Variants in SYNDIG1L observed in about 807,000 individuals in gnomAD.
SYNDIG1L encodes the protein synapse differentiation-inducing gene protein 1-like.
A neutral mutation model predicts 20.1 loss-of-function variants in SYNDIG1L; 13 were observed. The ratio of observed to expected loss-of-function variants is 0.65; its 90% CI spans 0.42 to 1.03. The LOEUF is 1.03. Ranked by LOEUF, SYNDIG1L falls within the 50% of genes least tolerant of loss-of-function variation. SYNDIG1L has a pLI of 0.00. For synonymous variants in SYNDIG1L, 128 were observed against 129.3 expected (o/e 0.99, Z 0.07); for missense variants, 294 against 305.1 (o/e 0.96, Z 0.27).
At chr14:74,462,289 G>C in the SYNDIG1L span, among the ~76,000 whole-genome samples, 1 of 151,476 alleles carries the variant, frequency 6.6e-6, no homozygotes, top group Non-Finnish European at 1.5e-5. Context: ...TTCGAGACCA[G>C]CCTGGCCAAC....
chr14:74,459,034 T>C, the SYNDIG1L span, among the ~76,000 whole-genome samples: 13 of 152,142 alleles, frequency 8.5e-5, no homozygotes, highest in Non-Finnish European at 1.9e-4. Flanking sequence ...GATGAGACGC[T>C]GAGTGGAGAA....
At chr14:74,449,456 A>AAACAC in the SYNDIG1L span, among the ~76,000 whole-genome samples, 1 of 142,522 alleles carries the variant, frequency 7.0e-6, no homozygotes, top group African/African-American at 2.6e-5. Context: ...AAAAAAAAAA[A>AAACAC]AAAAAAAAAG....
the SYNDIG1L span, among the ~76,000 whole-genome samples, chr14:74,471,251 G>C: frequency 1.3e-5 from 2 of 152,146 alleles, no homozygotes; most frequent in Non-Finnish European, 2.9e-5. Context: ...AGACACGGAA[G>C]TAGTTCCAAC....
upstream of SYNDIG1L, among the ~76,000 whole-genome samples, chr14:74,430,337 G>A (rs1001068593): frequency 1.3e-5 from 2 of 152,196 alleles, no homozygotes; most frequent in Non-Finnish European, 2.9e-5. Flanking sequence ...TGTGTGAGAG[G>A]TTGGGGGTGC....
the SYNDIG1L span, among the ~76,000 whole-genome samples, chr14:74,452,852 T>C: frequency 2.0e-5 from 3 of 152,148 alleles, no homozygotes; most frequent in East Asian, 5.8e-4. Context: ...AATTGATAGA[T>C]GGGTGAATAA....
Position 74,407,623 on chromosome 14 carries a change from G to A in SYNDIG1L, c.629C>T (p.Ala210Val). 2 of 1,614,050 alleles carry A rather than the reference G, an allele frequency of 1.2e-6. No individual in the cohort carries two copies. The highest frequency in any genetic ancestry group is 8.5e-7 in the Non-Finnish European group (1 of 1,179,922). Residue 210 changes from alanine (A) to valine (V), a missense_variant, in exon 4 of 4, where the codon GCC (alanine) becomes GTC (valine). By Grantham distance (64) the Ala-to-Val change is moderately conservative. Transcript: ENST00000331628. ...GGCCCCCACGGCGATGGCGAGTGTG[G>A]CTAGGAAGAGGGCCCGGCGGGAGGT... is the stretch of plus-strand genomic sequence containing the variant. ...STTSRRALFL[A>V]TLAIAVGAGL...
At chr14:74,449,641 A>G in the SYNDIG1L span, among the ~76,000 whole-genome samples, 1,484 of 151,360 alleles carry the variant, frequency 9.8e-3, 30 homozygotes, top group African/African-American at 0.033. Flanking sequence ...GAAAAAAGAA[A>G]AAGAAAAAGA....
the SYNDIG1L span, among the ~76,000 whole-genome samples, chr14:74,478,196 A>G: frequency 6.6e-6 from 1 of 152,084 alleles, no homozygotes; most frequent in African/African-American, 2.4e-5. Flanking sequence ...CGACCACCCC[A>G]CCAAATTTTA....
At chr14:74,445,228 T>G in the SYNDIG1L span, among the ~76,000 whole-genome samples, 1 of 152,132 alleles carries the variant, frequency 6.6e-6, no homozygotes, top group South Asian at 2.1e-4. Context: ...GATTGTAAGC[T>G]TCCTGAGGCC....
chr14:74,418,802 CTCATCATCCCCAAGATG>C (rs2086198150), intron 1 of SYNDIG1L, among the ~76,000 whole-genome samples: 1 of 152,184 alleles, frequency 6.6e-6, no homozygotes, highest in South Asian at 2.1e-4. Context: ...GCCCAGCCTC[CTCATCATCCCCAAGATG>C]CCAGCCATTG....
At chr14:74,442,887 G>C in the SYNDIG1L span, among the ~76,000 whole-genome samples, 1 of 152,280 alleles carries the variant, frequency 6.6e-6, no homozygotes, top group Non-Finnish European at 1.5e-5. Context: ...GTAATTGAAT[G>C]GTTGATGGTG....
At chr14:74,478,144 A>G in the SYNDIG1L span, among the ~76,000 whole-genome samples, 35 of 152,320 alleles carry the variant, frequency 2.3e-4, no homozygotes, top group Admixed American at 2.0e-3. Flanking sequence ...CCTTTTCATT[A>G]TCACTCCTTA....
chr14:74,479,054 G>C, the SYNDIG1L span, among the ~76,000 whole-genome samples: 6 of 152,164 alleles, frequency 3.9e-5, no homozygotes, highest in African/African-American at 7.2e-5. Context: ...ACACAATTCT[G>C]ATACATCTAG....
the SYNDIG1L span, among the ~76,000 whole-genome samples, chr14:74,470,224 C>T: frequency 2.6e-5 from 4 of 151,796 alleles, no homozygotes; most frequent in Non-Finnish European, 5.9e-5. Flanking sequence ...TCACTCTGTT[C>T]TATTTGACTT....
intron 1 of SYNDIG1L, among the ~76,000 whole-genome samples, chr14:74,416,649 C>CCAAACAAA (rs113071824): frequency 1.3e-3 from 198 of 150,762 alleles, no homozygotes; most frequent in Middle Eastern, 6.8e-3. Flanking sequence ...CAAAAACAAA[C>CCAAACAAA]CAAACAAACA....
chr14:74,424,130 G>A (rs1323147143), intron 1 of SYNDIG1L, among the ~76,000 whole-genome samples: 1 of 152,094 alleles, frequency 6.6e-6, no homozygotes, highest in Non-Finnish European at 1.5e-5. Flanking sequence ...GGTTGATAAA[G>A]CCGGCATCCT....
chr14:74,420,291 G>A (rs2086211182), intron 1 of SYNDIG1L, among the ~76,000 whole-genome samples: 1 of 151,388 alleles, frequency 6.6e-6, no homozygotes, highest in Non-Finnish European at 1.5e-5. Context: ...AGCTACTTGG[G>A]AGGCTGAGGC....
intron 2 of SYNDIG1L, among the ~76,000 whole-genome samples, chr14:74,408,563 C>CAAAAAAAA (rs758108537): frequency 6.0e-5 from 4 of 66,192 alleles, no homozygotes; most frequent in Non-Finnish European, 6.3e-5. Flanking sequence ...GACTCCATCT[C>CAAAAAAAA]AAAAAAAAAA....
chr14:74,477,519 G>A, the SYNDIG1L span, among the ~76,000 whole-genome samples: 3 of 148,490 alleles, frequency 2.0e-5, no homozygotes, highest in South Asian at 2.1e-4. Flanking sequence ...AAGACTTTGT[G>A]TTAAAAAAAA....
Sources: gnomAD v4.1 joint callset for allele counts (sites outside exome capture counted in the v4.1 genomes callset) on GRCh38, gnomAD v4.1.1 for gene constraint, MANE v1.5 for transcripts, NCBI Gene and HGNC (gene_info 2026-07-23, HGNC 2026-07-21) for gene names.